The following NFXL1 variants were observed in gnomAD, a reference collection of about 807,000 sequenced individuals.
NFXL1 encodes the protein NF-X1-type zinc finger protein NFXL1.
Under a neutral mutation model 123.3 loss-of-function variants are expected in NFXL1, and 66 were observed. The ratio of observed to expected loss-of-function variants is 0.54; its 90% CI spans 0.44 to 0.66. NFXL1 has a LOEUF of 0.66. Ranked by LOEUF, NFXL1 falls within the 30% of genes least tolerant of loss-of-function variation. The probability of loss-of-function intolerance (pLI) is 0.00; values close to 1 mark genes in which losing one functional copy is unlikely to be tolerated. For synonymous variants in NFXL1, 346 were observed against 360.8 expected (o/e 0.96, Z 0.46); for missense variants, 944 against 1,125.6 (o/e 0.84, Z 2.31).
intron 19 of NFXL1, among the ~76,000 whole-genome samples, chr4:47,856,199 T>C (rs1181052104): frequency 6.6e-6 from 1 of 152,154 alleles, no homozygotes; most frequent in African/African-American, 2.4e-5. Flanking sequence ...CTTAGACAAG[T>C]CACCTGACTT....
chr4:47,896,709 G>A, intron 9 of NFXL1, 62 bp from the exon 10 acceptor site: 1 of 1,204,586 alleles, frequency 8.3e-7, no homozygotes, highest in Non-Finnish European at 1.2e-6. Flanking sequence ...TCAACAAAGT[G>A]CCATGTTCTT....
At chr4:47,904,522 T>C (rs1737479844) in intron 4 of NFXL1, among the ~76,000 whole-genome samples, 1 of 152,228 alleles carries the variant, frequency 6.6e-6, no homozygotes, top group Non-Finnish European at 1.5e-5. Flanking sequence ...AAGGCATCTG[T>C]ATCTGCTATA....
At chr4:47,882,274 A>C (rs1385720413) in intron 15 of NFXL1, 45 of 152,228 alleles carry the variant, frequency 3.0e-4, no homozygotes, top group Non-Finnish European at 4.4e-5. Context: ...ATGAAATGTC[A>C]AAAGAGTTCT....
chr4:47,879,849 C>A (rs4694872), intron 15 of NFXL1, among the ~76,000 whole-genome samples: 111,294 of 152,040 alleles, frequency 0.73, 40,974 homozygotes, highest in South Asian at 0.76. Flanking sequence ...ATAAATGATT[C>A]ATGCTGGAAC....
chr4:47,863,803 A>T (rs1734899516), intron 18 of NFXL1, among the ~76,000 whole-genome samples: 1 of 152,236 alleles, frequency 6.6e-6, no homozygotes, highest in South Asian at 2.1e-4. Flanking sequence ...ACCAAGGAAT[A>T]AACCTACTTT....
intron 5 of NFXL1, among the ~76,000 whole-genome samples, chr4:47,900,007 T>C (rs1222269355): frequency 6.6e-6 from 1 of 152,222 alleles, no homozygotes; most frequent in African/African-American, 2.4e-5. Flanking sequence ...ACTCTGCTTT[T>C]CACAAAGCTC....
chr4:47,914,118 T>C lies in NFXL1; in HGVS notation c.86A>G (p.His29Arg). 1 of 1,552,198 alleles carries C rather than the reference T, an allele frequency of 6.4e-7. No homozygotes were observed. The highest frequency in any genetic ancestry group is 8.7e-7 in the Non-Finnish European group (1 of 1,148,598). Residue 29 changes from histidine to arginine, a missense_variant, in exon 2 of 23, where the codon CAT becomes CGT. Physicochemically the swap from His to Arg is conservative, Grantham distance 29 (BLOSUM62 0). Around this residue, in one of 4 missense-constraint regions of NFXL1, gnomAD observed 303 missense variants for 292.1 expected, o/e 1.04. Transcript: ENST00000507489. Reference protein sequence around the residue: ...ATAAPSGNGVHLRGAGGGREK... With the variant: ...ATAAPSGNGVRLRGAGGGREK... ...TCGCCCTCCTCCGGCGCCGCGGAGA[T>C]GGACTCCATTTCCTGAGGGGGCGGC...
chr4:47,894,135 C>A, intron 11 of NFXL1, 45 bp downstream of exon 11: 2 of 1,502,432 alleles, frequency 1.3e-6, no homozygotes, highest in South Asian at 1.3e-5. Flanking sequence ...TGGAGAAATT[C>A]AATATAGTCT....
intron 7 of NFXL1, 21 bp downstream of exon 7, chr4:47,898,938 C>A: frequency 1.2e-6 from 2 of 1,613,534 alleles, no homozygotes; most frequent in Non-Finnish European, 1.7e-6. Flanking sequence ...TCAGAAAAAT[C>A]TAATGGGTAT....
chr4:47,854,187 T>C (rs893705140), intron 20 of NFXL1, among the ~76,000 whole-genome samples: 4 of 151,666 alleles, frequency 2.6e-5, no homozygotes, highest in African/African-American at 9.7e-5. Flanking sequence ...ACTATGAACA[T>C]AAATGAAAGG....
chr4:47,851,869 C>T lies in NFXL1; in HGVS notation c.2495G>A (p.Arg832Gln), dbSNP rs140512787. Residue 832 changes from arginine (R) to glutamine (Q), a missense_variant, in exon 21 of 23, where the codon CGG becomes CAG. By Grantham distance (43) the Arg-to-Gln change is conservative (BLOSUM62 1). This residue lies in a region of NFXL1 where 301 missense variants were observed against 348.0 expected (regional missense o/e 0.86). Transcript: ENST00000507489. ...ECDTTCKEMKRKASEIKEAEA... is the reference protein window; with the variant it reads ...ECDTTCKEMKQKASEIKEAEA... ...ACGAGACATTACCTCAGATGCTTTC[C>T]GCTTCATTTCCTTGCACGTTGTGTC... 1.6e-5 allele frequency: 26 copies of T among 1,603,350 alleles called. No homozygotes were observed. The highest frequency in any genetic ancestry group is 6.7e-5 in the African/African-American group (5 of 74,712).
At chr4:47,874,369 T>C (rs1735615076) in intron 18 of NFXL1, among the ~76,000 whole-genome samples, 1 of 152,206 alleles carries the variant, frequency 6.6e-6, no homozygotes, top group Non-Finnish European at 1.5e-5. Context: ...CTTGAACACT[T>C]AGAGGCCACT....
chr4:47,883,633 C>T (rs1438299835), intron 15 of NFXL1, among the ~76,000 whole-genome samples: 4 of 152,128 alleles, frequency 2.6e-5, no homozygotes, highest in Non-Finnish European at 5.9e-5. Context: ...AATATACATG[C>T]TATTTCAACT....
At chr4:47,859,913 T>C (rs1039211194) in intron 19 of NFXL1, among the ~76,000 whole-genome samples, 13 of 121,090 alleles carry the variant, frequency 1.1e-4, no homozygotes, top group African/African-American at 2.5e-4. Context: ...ATCTCACTCA[T>C]ACGTGAAATA....
intron 15 of NFXL1, among the ~76,000 whole-genome samples, chr4:47,881,892 A>G (rs777197905): frequency 6.6e-6 from 1 of 152,162 alleles, no homozygotes; most frequent in Non-Finnish European, 1.5e-5. Flanking sequence ...AGGGGAAAAG[A>G]AGGTTGAACA....
intron 19 of NFXL1, among the ~76,000 whole-genome samples, chr4:47,859,185 C>G (rs1284187277): frequency 6.6e-6 from 1 of 152,304 alleles, no homozygotes; most frequent in Non-Finnish European, 1.5e-5. Context: ...ATTCTGCTAG[C>G]ACTTCAGTAA....
At chr4:47,851,170 T>A in intron 21 of NFXL1, 22 bp from the exon 22 acceptor site, 1 of 1,571,918 alleles carries the variant, frequency 6.4e-7, no homozygotes, top group Non-Finnish European at 8.8e-7. Context: ...CATACAAAAG[T>A]CAATTTACAA....
intron 19 of NFXL1, among the ~76,000 whole-genome samples, chr4:47,860,866 T>C (rs1734725990): frequency 6.6e-6 from 1 of 150,554 alleles, no homozygotes; most frequent in Non-Finnish European, 1.5e-5. Flanking sequence ...GTGTTTTTTT[T>C]TTTGAGACGG....
At chr4:47,850,581 TAGGTAACAAC>T (rs1734064127) in intron 22 of NFXL1, among the ~76,000 whole-genome samples, 1 of 152,082 alleles carries the variant, frequency 6.6e-6, no homozygotes, top group South Asian at 2.1e-4. Flanking sequence ...ACTTGTTCTC[TAGGTAACAAC>T]AAAGAACAGG....
Sources: allele counts gnomAD v4.1 joint callset (sites outside exome capture counted in the v4.1 genomes callset), GRCh38; gene constraint gnomAD v4.1.1; regional missense constraint gnomAD v4.1.1; transcripts MANE v1.5; gene names NCBI Gene and HGNC (gene_info 2026-07-23, HGNC 2026-07-21).